KLF12: variants seen among roughly 807,000 people sequenced by gnomAD.
KLF12 encodes the protein KLF transcription factor 12, also known as Krueppel-like factor 12.
KLF12 carries 9 observed loss-of-function variants against 37.8 expected under a neutral mutation model. The ratio of observed to expected loss-of-function variants is 0.24; its 90% CI spans 0.14 to 0.42. The LOEUF (loss-of-function observed/expected upper bound fraction) is 0.42. Ranked by LOEUF, KLF12 falls within the 10% of genes least tolerant of loss-of-function variation. The pLI, the probability that KLF12 is intolerant of heterozygous loss-of-function variation, is 1.00. For missense variants in KLF12, 411 were observed against 516.0 expected (o/e 0.80, Z 1.97); for synonymous variants, 208 against 202.1 (o/e 1.03, Z -0.25).
At chr13:74,010,234 C>T (rs142739190) in intron 1 of KLF12, among the ~76,000 whole-genome samples, 261 of 152,236 alleles carry the variant, frequency 1.7e-3, no homozygotes, top group African/African-American at 4.1e-3. Flanking sequence ...AGCACCACCA[C>T]GCCCAGATGT....
chr13:73,938,925 A>G (rs1294735324), intron 3 of KLF12, among the ~76,000 whole-genome samples: 1 of 152,214 alleles, frequency 6.6e-6, no homozygotes, highest in Non-Finnish European at 1.5e-5. Flanking sequence ...GCTATGGCAA[A>G]GAGGCATCAG....
chr13:74,144,216 C>G, the KLF12 span, among the ~76,000 whole-genome samples: 1 of 152,292 alleles, frequency 6.6e-6, no homozygotes, highest in African/African-American at 2.4e-5. Context: ...CTGATGCTTT[C>G]AAATCACTTT....
At chr13:74,255,266 T>G in the KLF12 span, among the ~76,000 whole-genome samples, 1 of 152,228 alleles carries the variant, frequency 6.6e-6, no homozygotes, top group African/African-American at 2.4e-5. Flanking sequence ...AGACTGAGCC[T>G]GTCTTCAAGT....
At chr13:73,768,369 CT>C (rs139048691) in intron 5 of KLF12, among the ~76,000 whole-genome samples, 160 of 152,304 alleles carry the variant, frequency 1.1e-3, no homozygotes, top group African/African-American at 3.6e-3. Flanking sequence ...GAGGATAGAG[CT>C]GGACTATCCA....
At position 74,084,025 on chromosome 13, in the gene KLF12, CA is replaced by C. The variant is rs1384662102; in HGVS notation, c.-32+49713del. On this transcript the variant is annotated intron_variant, in intron 1 of 7. Transcript: ENST00000377669. The stretch of plus-strand genomic sequence containing the variant: ...AGCAAGATTTCTTATAGCATAGAAT[CA>C]TAAAGTGTAACAGAATAATTTAAAT... 3.9e-5 allele frequency among the ~76,000 whole-genome samples: 6 copies of C among 152,160 alleles called. No individual in the cohort carries two copies. In the East Asian group the frequency reaches 1.2e-3, roughly 29 times the overall value.
chr13:73,922,860 C>T (rs866687847), intron 3 of KLF12, among the ~76,000 whole-genome samples: 6 of 152,224 alleles, frequency 3.9e-5, no homozygotes, highest in African/African-American at 1.2e-4. Context: ...TCCTGATTGG[C>T]CAGGTTAGCA....
At chr13:74,207,848 A>G in the KLF12 span, among the ~76,000 whole-genome samples, 3 of 152,152 alleles carry the variant, frequency 2.0e-5, no homozygotes, top group Non-Finnish European at 2.9e-5. Context: ...TTCAGGACAA[A>G]TTACTTTACC....
intron 3 of KLF12, among the ~76,000 whole-genome samples, chr13:73,930,833 T>A (rs1034362377): frequency 6.6e-6 from 1 of 151,456 alleles, no homozygotes; most frequent in Non-Finnish European, 1.5e-5. Flanking sequence ...AAATCTTTTT[T>A]CAACATCTAT....
intron 1 of KLF12, among the ~76,000 whole-genome samples, chr13:74,076,769 T>C (rs1874587428): frequency 1.3e-5 from 2 of 152,162 alleles, no homozygotes; most frequent in African/African-American, 4.8e-5. Flanking sequence ...ACCCAATAGT[T>C]ACTCTTTCTG....
the KLF12 span, among the ~76,000 whole-genome samples, chr13:74,283,920 C>T: frequency 6.7e-6 from 1 of 149,686 alleles, no homozygotes; most frequent in Admixed American, 6.7e-5. Flanking sequence ...AGTGCAGTGA[C>T]AGGATCTCGG....
At chr13:74,041,928 A>G (rs968624699) in intron 1 of KLF12, among the ~76,000 whole-genome samples, 2 of 152,204 alleles carry the variant, frequency 1.3e-5, no homozygotes, top group African/African-American at 4.8e-5. Context: ...TCTAAAAAAT[A>G]TAAGTGCTAA....
intron 3 of KLF12, among the ~76,000 whole-genome samples, chr13:73,920,190 G>A (rs1336630684): frequency 6.6e-6 from 1 of 152,118 alleles, no homozygotes; most frequent in African/African-American, 2.4e-5. Context: ...CATACTTCAT[G>A]TATAAATTAC....
At chr13:73,708,345 C>T (rs1875105687) in intron 7 of KLF12, among the ~76,000 whole-genome samples, 1 of 152,090 alleles carries the variant, frequency 6.6e-6, no homozygotes, top group Non-Finnish European at 1.5e-5. Flanking sequence ...AAAATATTTC[C>T]AGATTCATTT....
At chr13:74,083,232 G>A (rs1451159975) in intron 1 of KLF12, among the ~76,000 whole-genome samples, 2 of 152,146 alleles carry the variant, frequency 1.3e-5, no homozygotes, top group Non-Finnish European at 2.9e-5. Context: ...ATGTATTGAG[G>A]CCGGGCGCAG....
chr13:73,727,086 T>C (rs1305478154), intron 6 of KLF12, among the ~76,000 whole-genome samples: 1 of 152,090 alleles, frequency 6.6e-6, no homozygotes, highest in Non-Finnish European at 1.5e-5. Context: ...GTATACCTTC[T>C]CTGGAGAAAT....
intron 3 of KLF12, among the ~76,000 whole-genome samples, chr13:73,932,764 C>G (rs1889746675): frequency 6.6e-6 from 1 of 152,064 alleles, no homozygotes; most frequent in Non-Finnish European, 1.5e-5. Flanking sequence ...AAGAGTGATT[C>G]AAAAGAGTTC....
At chr13:74,101,062 T>G (rs1876315525) in intron 1 of KLF12, among the ~76,000 whole-genome samples, 1 of 152,216 alleles carries the variant, frequency 6.6e-6, no homozygotes, top group Non-Finnish European at 1.5e-5. Context: ...GTGCTATTAC[T>G]GACAGGCTTC....
chr13:74,021,272 T>C (rs1464799574), intron 1 of KLF12, among the ~76,000 whole-genome samples: 7 of 152,134 alleles, frequency 4.6e-5, no homozygotes, highest in Admixed American at 6.5e-5. Context: ...CTCAATAGCA[T>C]TACTCCCACT....
At chr13:74,213,862 C>A in the KLF12 span, among the ~76,000 whole-genome samples, 1 of 152,058 alleles carries the variant, frequency 6.6e-6, no homozygotes, top group Non-Finnish European at 1.5e-5. Flanking sequence ...TTTTCTAATG[C>A]TGTTTTTTAA....
Sources: gnomAD v4.1 joint callset for allele counts (sites outside exome capture counted in the v4.1 genomes callset) on GRCh38, gnomAD v4.1.1 for gene constraint, MANE v1.5 for transcripts, NCBI Gene and HGNC (gene_info 2026-07-23, HGNC 2026-07-21) for gene names.